The following PDE10A variants were observed in gnomAD, a reference collection of about 807,000 sequenced individuals.
PDE10A encodes the protein phosphodiesterase 10A.
Under a neutral mutation model 97.7 loss-of-function variants are expected in PDE10A, and 39 were observed. The observed-to-expected ratio is 0.40, with a 90% CI of 0.31 to 0.52. The LOEUF (loss-of-function observed/expected upper bound fraction) is 0.52, where lower values mean the gene tolerates loss of function less well. Ranked by LOEUF, PDE10A falls within the 20% of genes least tolerant of loss-of-function variation. PDE10A has a pLI of 0.56. For synonymous variants in PDE10A, 371 were observed against 376.8 expected (o/e 0.98, Z 0.18); for missense variants, 731 against 1,047.8 (o/e 0.70, Z 4.17).
intron 1 of PDE10A, among the ~76,000 whole-genome samples, chr6:165,906,565 G>A (rs1321631230): frequency 2.0e-5 from 3 of 152,160 alleles, no homozygotes; most frequent in Non-Finnish European, 1.5e-5. Flanking sequence ...AATGGCTTCA[G>A]AAAGTCAGAT....
At chr6:165,723,866 T>TCCCTTGGGACTGA (rs1792226651) in intron 1 of PDE10A, among the ~76,000 whole-genome samples, 1 of 152,118 alleles carries the variant, frequency 6.6e-6, no homozygotes, top group African/African-American at 2.4e-5. Context: ...TTTTTAATTT[T>TCCCTTGGGACTGA]CCCTTGGGGG....
intron 1 of PDE10A, among the ~76,000 whole-genome samples, chr6:165,771,654 T>TAAA (rs35902541): frequency 7.5e-5 from 8 of 106,312 alleles, no homozygotes; most frequent in Non-Finnish European, 1.2e-4. Context: ...TTTAACAAGA[T>TAAA]AAAAAAAAAA....
rs112704663 is a variant in PDE10A at position 165,783,992 on chromosome 6, G to C, written c.-615+203537C>G. Among the ~76,000 whole-genome samples the C allele has an allele frequency of 5.9e-3, 905 of 152,236 alleles. 13 individuals are homozygous for C. Among genetic ancestry groups the C allele is most frequent in the African/African-American group, 0.021 (873 of 41,548 alleles). On this transcript the variant is annotated intron_variant, in intron 1 of 19. Coordinates refer to the PDE10A transcript ENST00000366882. ...CTCAGCACTTTGGGAGGCCAAGGCA[G>C]GTGGATCACGAGATCAGGAGTTCAA...
chr6:165,911,999 A>C (rs985854112), intron 1 of PDE10A, among the ~76,000 whole-genome samples: 3 of 152,040 alleles, frequency 2.0e-5, no homozygotes, highest in Admixed American at 6.5e-5. Flanking sequence ...ATATATATAT[A>C]TATCTTTCTC....
In PDE10A at chr6:165,589,184, T is replaced by C. The variant is rs77861636; in HGVS notation, c.866-45616A>G. ...ATGCAAAGTACTATAGGCCTTTAGA[T>C]AGTTTCCAATTCTGTTTACAAGCAA... On this transcript the variant is annotated intron_variant, in intron 1 of 21. Transcript: ENST00000539869. Among the ~76,000 whole-genome samples the C allele has an allele frequency of 8.4e-3, 1,280 of 152,332 alleles. 7 individuals are homozygous for C. The highest frequency in any genetic ancestry group is 0.012 in the Non-Finnish European group (845 of 68,030).
intron 1 of PDE10A, among the ~76,000 whole-genome samples, chr6:165,814,494 G>A (rs1220514119): frequency 6.6e-6 from 1 of 151,882 alleles, no homozygotes; most frequent in Non-Finnish European, 1.5e-5. Flanking sequence ...AGAAAGACAA[G>A]GAATCATTTA....
intron 1 of PDE10A, among the ~76,000 whole-genome samples, chr6:165,715,081 C>A (rs1478905173): frequency 6.6e-6 from 1 of 152,246 alleles, no homozygotes; most frequent in Non-Finnish European, 1.5e-5. Context: ...GCTCAGCCTG[C>A]AGGGACGGCC....
chr6:165,542,158 T>C (rs1038544207), intron 2 of PDE10A, among the ~76,000 whole-genome samples: 3 of 152,198 alleles, frequency 2.0e-5, no homozygotes, highest in South Asian at 2.1e-4. Context: ...GTTCTGTACA[T>C]GTATCCCAGA....
chr6:165,850,000 T>C (rs9348050), intron 1 of PDE10A, among the ~76,000 whole-genome samples: 74,427 of 151,972 alleles, frequency 0.49, 18,692 homozygotes, highest in Admixed American at 0.6. Flanking sequence ...ATTTTCCCGC[T>C]TCCCCAAGGC....
chr6:165,751,507 C>T (rs905433548), intron 1 of PDE10A, among the ~76,000 whole-genome samples: 10 of 152,300 alleles, frequency 6.6e-5, no homozygotes, highest in African/African-American at 2.4e-4. Flanking sequence ...CTTGATGAAG[C>T]AGGCACCTGA....
At chr6:165,374,239 TAA>T (rs1362479188) in intron 18 of PDE10A, among the ~76,000 whole-genome samples, 1 of 151,616 alleles carries the variant, frequency 6.6e-6, no homozygotes, top group Non-Finnish European at 1.5e-5. Flanking sequence ...ATAATAATAA[TAA>T]AAAAATTAAA....
intron 18 of PDE10A, among the ~76,000 whole-genome samples, chr6:165,376,153 G>C (rs1258630682): frequency 6.6e-6 from 1 of 152,154 alleles, no homozygotes; most frequent in Non-Finnish European, 1.5e-5. Flanking sequence ...CAATGAATGT[G>C]GGAAAGGTGA....
At chr6:165,549,003 T>G (rs201676253) in intron 1 of PDE10A, among the ~76,000 whole-genome samples, 25,567 of 152,108 alleles carry the variant, frequency 0.17, 2,449 homozygotes, top group African/African-American at 0.26. Context: ...AATTGTCCCA[T>G]CTTGCAGCCA....
intron 1 of PDE10A, among the ~76,000 whole-genome samples, chr6:165,829,144 G>T (rs1384613743): frequency 6.6e-6 from 1 of 152,184 alleles, no homozygotes; most frequent in Non-Finnish European, 1.5e-5. Flanking sequence ...GGTGCTCCCA[G>T]TGTCCTTTTG....
chr6:165,748,373 G>A (rs1792891370), intron 1 of PDE10A, among the ~76,000 whole-genome samples: 1 of 152,196 alleles, frequency 6.6e-6, no homozygotes, highest in Admixed American at 6.5e-5. Context: ...GAAGGAGGAA[G>A]AGTTTCAGTC....
chr6:165,695,378 C>T (rs1223966440), intron 1 of PDE10A, among the ~76,000 whole-genome samples: 2 of 152,198 alleles, frequency 1.3e-5, no homozygotes, highest in African/African-American at 2.4e-5. Flanking sequence ...GAATGCACCT[C>T]TGTTCCCTTC....
intron 1 of PDE10A, among the ~76,000 whole-genome samples, chr6:165,584,263 C>A (rs887616633): frequency 2.6e-5 from 4 of 152,192 alleles, no homozygotes; most frequent in African/African-American, 9.7e-5. Context: ...AGGACTCAGG[C>A]TTCCCTGACC....
At chr6:165,619,079 C>CTAGTG (rs1787880389) in intron 1 of PDE10A, among the ~76,000 whole-genome samples, 8 of 106,272 alleles carry the variant, frequency 7.5e-5, no homozygotes, top group African/African-American at 3.5e-4. Flanking sequence ...GTAGTGTAGT[C>CTAGTG]TAGTGTAGTC....
At chr6:165,960,358 T>A (rs1784318992) in intron 1 of PDE10A, among the ~76,000 whole-genome samples, 1 of 152,174 alleles carries the variant, frequency 6.6e-6, no homozygotes. Context: ...CTTGAAGACA[T>A]GCAGAAGCAC....
Sources: gnomAD v4.1 joint callset for allele counts (sites outside exome capture counted in the v4.1 genomes callset) on GRCh38, gnomAD v4.1.1 for gene constraint, MANE v1.5 for transcripts, NCBI Gene and HGNC (gene_info 2026-07-23, HGNC 2026-07-21) for gene names.